IMPG1: variants seen among roughly 807,000 people sequenced by gnomAD.
The protein encoded by IMPG1 is interphotoreceptor matrix proteoglycan 1.
In IMPG1, 85 loss-of-function variants were observed where a neutral mutation model predicts 92.0. The ratio of observed to expected loss-of-function variants is 0.92; its 90% CI spans 0.78 to 1.11. IMPG1 has a LOEUF of 1.11. IMPG1 is among the 50% of genes least tolerant of loss of function. The pLI, the probability that IMPG1 is intolerant of heterozygous loss-of-function variation, is 0.00. For synonymous variants in IMPG1, 367 were observed against 334.1 expected (o/e 1.10, Z -1.08); for missense variants, 1,022 against 956.0 (o/e 1.07, Z -0.91).
intron 14 of IMPG1, among the ~76,000 whole-genome samples, chr6:75,943,015 T>C (rs1781860089): frequency 6.6e-6 from 1 of 152,200 alleles, no homozygotes; most frequent in Non-Finnish European, 1.5e-5. Flanking sequence ...AAGAAGTTAA[T>C]TAACTCTATT....
intron 14 of IMPG1, among the ~76,000 whole-genome samples, chr6:75,940,314 T>G (rs1251357249): frequency 6.6e-6 from 1 of 152,210 alleles, no homozygotes; most frequent in African/African-American, 2.4e-5. Context: ...TCAATCTATC[T>G]TGTCTATTTC....
intron 12 of IMPG1, among the ~76,000 whole-genome samples, chr6:75,984,554 A>C (rs1206460135): frequency 6.6e-6 from 1 of 152,252 alleles, no homozygotes; most frequent in Non-Finnish European, 1.5e-5. Flanking sequence ...TCTTACTGCA[A>C]ATAAATGATA....
intron 12 of IMPG1, among the ~76,000 whole-genome samples, chr6:75,962,182 T>C (rs1191257989): frequency 6.6e-6 from 1 of 152,120 alleles, no homozygotes; most frequent in Non-Finnish European, 1.5e-5. Context: ...TGCAGTGGCA[T>C]GATCACGGCT....
At chr6:76,007,691 G>T (rs376049895) in intron 8 of IMPG1, among the ~76,000 whole-genome samples, 191 bp from the exon 9 acceptor site, 1 of 152,136 alleles carries the variant, frequency 6.6e-6, no homozygotes, top group African/African-American at 2.4e-5. Context: ...CTTTGAGAGA[G>T]ATATGAATCT....
Position 75,950,704 on chromosome 6 carries a change from G to C in IMPG1, c.1682C>G (p.Thr561Ser). 1 of 1,613,974 alleles carries C rather than the reference G, an allele frequency of 6.2e-7. No homozygotes were observed. The change falls in exon 13 of 17, where the codon ACT becomes AGT. Residue 561 changes from threonine (T) to serine (S), a missense_variant. Thr to Ser is a moderately conservative substitution (Grantham distance 58). Coordinates refer to ENST00000369950, the MANE Select transcript of IMPG1 (RefSeq NM_001563.4). ...TPVSALQYIT[T>S]SSMTIAPKGR... ...CTTGGGGGCAATGGTCATAGAACTA[G>C]TGGTGATATACTGTAAAGCTGAGAC... is the stretch of plus-strand genomic sequence containing the variant.
chr6:76,002,802 T>A (rs915079519), intron 12 of IMPG1, 116 bp downstream of exon 12: 34 of 761,996 alleles, frequency 4.5e-5, no homozygotes, highest in Middle Eastern at 5.4e-4. Context: ...CTGGTGGCAG[T>A]GAACCTTTTC....
intron 12 of IMPG1, among the ~76,000 whole-genome samples, chr6:75,977,991 C>G (rs1782567031): frequency 6.6e-6 from 1 of 152,062 alleles, no homozygotes; most frequent in South Asian, 2.1e-4. Context: ...GTGACACAAT[C>G]ATAGCTCACT....
intron 1 of IMPG1, 29 bp downstream of exon 1, chr6:76,072,393 A>G (rs773464734): frequency 8.0e-7 from 1 of 1,252,524 alleles, no homozygotes; most frequent in Non-Finnish European, 1.2e-6. Context: ...TAGATAAGCA[A>G]TTTAAAAGTA....
intron 7 of IMPG1, 78 bp from the exon 8 acceptor site, chr6:76,011,302 C>G: frequency 1.4e-6 from 1 of 714,060 alleles, no homozygotes; most frequent in Non-Finnish European, 2.5e-6. Context: ...AACCTGAACA[C>G]TTTTGATGAG....
chr6:75,966,397 G>C (rs1213308340), intron 12 of IMPG1, among the ~76,000 whole-genome samples: 1 of 152,146 alleles, frequency 6.6e-6, no homozygotes, highest in East Asian at 1.9e-4. Flanking sequence ...CCCATGTCAT[G>C]AATGAATTAA....
rs918261431 is a variant in IMPG1, at chr6:75,950,441, C to T, written c.1824+121G>A. On this transcript the variant is annotated intron_variant, in intron 13 of 16. Coordinates refer to ENST00000369950, the MANE Select transcript of IMPG1 (RefSeq NM_001563.4). Reference sequence around the variant, plus strand: ...TCTAGTTGAATGTCTTCAGCAACAGCTGGCTTGGCGGTTTGTTTCTACTAA... The same window carrying T: ...TCTAGTTGAATGTCTTCAGCAACAGTTGGCTTGGCGGTTTGTTTCTACTAA... 3.6e-6 allele frequency: 3 copies of T among 839,302 alleles called. No individual in the cohort carries two copies. In the Admixed American group the frequency reaches 9.3e-5, roughly 26 times the overall value. The allele number at this position is 839,302 out of a possible 1,614,324, so 52.0% of individuals were successfully genotyped here.
At chr6:75,984,683 G>T (rs1447174806) in intron 12 of IMPG1, among the ~76,000 whole-genome samples, 1 of 152,152 alleles carries the variant, frequency 6.6e-6, no homozygotes, top group Admixed American at 6.5e-5. Context: ...ATCTTATGTT[G>T]AAATGTGAAT....
At chr6:76,005,674 A>G in intron 9 of IMPG1, 140 bp from the exon 10 acceptor site, 1 of 742,614 alleles carries the variant, frequency 1.3e-6, no homozygotes, top group Non-Finnish European at 2.2e-6. Flanking sequence ...CCACTTTAAA[A>G]CATTTCAACA....
At chr6:75,968,928 C>T (rs571373204) in intron 12 of IMPG1, among the ~76,000 whole-genome samples, 1 of 152,200 alleles carries the variant, frequency 6.6e-6, no homozygotes, top group South Asian at 2.1e-4. Flanking sequence ...GAAATCAAAT[C>T]AAGTGTTCAT....
intron 12 of IMPG1, among the ~76,000 whole-genome samples, chr6:75,981,773 T>G (rs1782631996): frequency 6.6e-6 from 1 of 152,234 alleles, no homozygotes; most frequent in Non-Finnish European, 1.5e-5. Context: ...AGGGAATTGT[T>G]GAGTGCAAAG....
intron 14 of IMPG1, among the ~76,000 whole-genome samples, chr6:75,937,029 T>G (rs114697277): frequency 1.4e-3 from 209 of 152,182 alleles, no homozygotes; most frequent in African/African-American, 4.9e-3. Flanking sequence ...AAGGCAAATG[T>G]CAAACAGAAA....
At chr6:76,032,581 C>T (rs1562377512) in intron 4 of IMPG1, among the ~76,000 whole-genome samples, 2 of 152,070 alleles carry the variant, frequency 1.3e-5, no homozygotes, top group South Asian at 2.1e-4. Context: ...TATACTCCTA[C>T]AGGAAAACTG....
At chr6:75,928,918 A>G (rs1003616876) in intron 15 of IMPG1, among the ~76,000 whole-genome samples, 13 of 152,162 alleles carry the variant, frequency 8.5e-5, no homozygotes, top group Admixed American at 1.3e-4. Context: ...ATTTAATGAT[A>G]TGTTATTTTT....
chr6:76,046,117 TA>T (rs2127595268), intron 1 of IMPG1, among the ~76,000 whole-genome samples: 1 of 152,242 alleles, frequency 6.6e-6, no homozygotes, highest in South Asian at 2.1e-4. Context: ...ACCTTTACTT[TA>T]AGTTGAAAAT....
Sources: allele counts gnomAD v4.1 joint callset (sites outside exome capture counted in the v4.1 genomes callset), GRCh38; gene constraint gnomAD v4.1.1; transcripts MANE v1.5; gene names NCBI Gene and HGNC (gene_info 2026-07-23, HGNC 2026-07-21).